The following PIBF1 variants were observed in gnomAD, a reference collection of about 807,000 sequenced individuals.
The protein encoded by PIBF1 is progesterone immunomodulatory binding factor 1.
In PIBF1, 90 loss-of-function variants were observed where a neutral mutation model predicts 112.5. That is an observed-to-expected ratio of 0.80 (90% confidence interval 0.67 to 0.95). The LOEUF (loss-of-function observed/expected upper bound fraction) is 0.95. PIBF1 is among the 40% of genes least tolerant of loss of function. The pLI is 0.00. For missense variants in PIBF1, 915 were observed against 852.3 expected (o/e 1.07, Z -0.92); for synonymous variants, 301 against 288.6 (o/e 1.04, Z -0.44).
rs146891408 is a variant in PIBF1 at position 72,931,078 on chromosome 13, G to A, written c.1731-87G>A. 7,180 of 731,644 alleles carry A rather than the reference G, an allele frequency of 9.8e-3. 262 individuals carry two copies. The highest frequency in any genetic ancestry group is 0.019 in the East Asian group (715 of 37,656). The allele number at this position is 731,644 out of a possible 1,614,324, so 45.3% of individuals were successfully genotyped here. A position where few individuals can be genotyped will look rare whatever the true frequency, so the allele number is the denominator to read the frequency against. On this transcript the variant is annotated intron_variant, in intron 13 of 17. Coordinates refer to ENST00000326291, the MANE Select transcript of PIBF1 (RefSeq NM_006346.4). ...TATTTAAGTATAATTAGGAAATGAT[G>A]TCTATTTTCAAGTACACAAACACAT...
chr13:72,934,228 G>A (rs1174786847), intron 14 of PIBF1, among the ~76,000 whole-genome samples: 1 of 152,036 alleles, frequency 6.6e-6, no homozygotes. Flanking sequence ...TATAACAATA[G>A]ACTATTCATA....
intron 8 of PIBF1, among the ~76,000 whole-genome samples, chr13:72,828,617 A>C (rs201802514): frequency 6.6e-6 from 1 of 152,062 alleles, no homozygotes. Flanking sequence ...CATCCTTTTT[A>C]ATGGCTGCAT....
intron 14 of PIBF1, among the ~76,000 whole-genome samples, chr13:72,943,414 A>T (rs987039837): frequency 2.0e-5 from 3 of 152,232 alleles, no homozygotes; most frequent in African/African-American, 7.2e-5. Context: ...AAATATCCCT[A>T]TTTGATTTTC....
At chr13:72,848,616 C>A (rs1037197606) in intron 9 of PIBF1, among the ~76,000 whole-genome samples, 3 of 152,092 alleles carry the variant, frequency 2.0e-5, no homozygotes, top group Admixed American at 2.0e-4. Context: ...GAGGCCGAGG[C>A]GGGCGGATCA....
At chr13:73,002,812 C>T (rs906811364) in intron 17 of PIBF1, among the ~76,000 whole-genome samples, 2 of 151,764 alleles carry the variant, frequency 1.3e-5, no homozygotes, top group Admixed American at 6.6e-5. Context: ...ACTGAAATCC[C>T]GTCTCTACTA....
chr13:72,932,258 T>TA (rs895094710), intron 14 of PIBF1, among the ~76,000 whole-genome samples: 22 of 152,276 alleles, frequency 1.4e-4, no homozygotes, highest in African/African-American at 4.3e-4. Context: ...GTTAATATTT[T>TA]AAAAGTTTTA....
Position 72,792,515 on chromosome 13 carries a change from C to T in PIBF1, c.321C>T (p.Asp107=). The change falls in exon 3 of 18, where the codon GAC becomes GAT. Residue 107 remains aspartate (D), a synonymous_variant. Coordinates refer to ENST00000326291, the MANE Select transcript of PIBF1 (RefSeq NM_006346.4). ...AGCAGCTACTAACATTGAGATTAGACAACCAATTGGCTTTTCAACAGAAAG... is the reference window on the plus strand; with the variant it reads ...AGCAGCTACTAACATTGAGATTAGATAACCAATTGGCTTTTCAACAGAAAG... ...HQKQLLTLRL[D]NQLAFQQKDA... 6.4e-7 allele frequency: 1 copy of T among 1,564,974 alleles called. No individual in the cohort carries two copies. The highest frequency in any genetic ancestry group is 8.6e-7 in the Non-Finnish European group (1 of 1,159,724).
At chr13:72,980,586 G>A (rs754452588) in intron 16 of PIBF1, among the ~76,000 whole-genome samples, 99 of 152,130 alleles carry the variant, frequency 6.5e-4, no homozygotes, top group Non-Finnish European at 1.3e-3. Flanking sequence ...CTTGAGCTCA[G>A]GAGTTCAAGA....
intron 14 of PIBF1, among the ~76,000 whole-genome samples, chr13:72,939,016 G>T (rs1176404100): frequency 6.6e-6 from 1 of 152,150 alleles, no homozygotes; most frequent in Non-Finnish European, 1.5e-5. Context: ...GAATTGGGTT[G>T]TCTTTCTGTT....
At chr13:72,898,360 C>T (rs1466982923) in intron 11 of PIBF1, among the ~76,000 whole-genome samples, 1 of 148,756 alleles carries the variant, frequency 6.7e-6, no homozygotes, top group Non-Finnish European at 1.5e-5. Flanking sequence ...ATCAAAAAGT[C>T]TGAAAGAGCA....
At chr13:72,916,111 A>G (rs1002723915) in intron 12 of PIBF1, among the ~76,000 whole-genome samples, 11 of 151,910 alleles carry the variant, frequency 7.2e-5, no homozygotes, top group African/African-American at 2.7e-4. Context: ...TTTTTTGGCC[A>G]GGTGCGGTGG....
In PIBF1 at chr13:73,009,251, G is replaced by T. The variant is rs1304781636; in HGVS notation, c.2224-6618G>T. 4.6e-5 allele frequency among the ~76,000 whole-genome samples: 7 copies of T among 152,290 alleles called. No homozygotes were observed. In the East Asian group the frequency reaches 9.7e-4, roughly 21 times the overall value. On this transcript the variant is annotated intron_variant, in intron 17 of 17. Coordinates refer to ENST00000326291, the MANE Select transcript of PIBF1 (RefSeq NM_006346.4). Reference sequence around the variant, plus strand: ...CCATTGGCCAGAACTTAGTCGTGTGGCCACACCTAGCAGCAAGGAAGGCTG... The same window carrying T: ...CCATTGGCCAGAACTTAGTCGTGTGTCCACACCTAGCAGCAAGGAAGGCTG...
intron 16 of PIBF1, among the ~76,000 whole-genome samples, chr13:72,985,982 C>T (rs765251580): frequency 6.6e-6 from 1 of 151,770 alleles, no homozygotes; most frequent in Non-Finnish European, 1.5e-5. Context: ...GAGACTCCAT[C>T]TCTAGAAAAA....
intron 10 of PIBF1, among the ~76,000 whole-genome samples, chr13:72,867,355 G>T (rs976983301): frequency 2.6e-5 from 4 of 151,954 alleles, no homozygotes; most frequent in Non-Finnish European, 5.9e-5. Flanking sequence ...CCAGTCTCAG[G>T]TATGTCTTTA....
chr13:72,950,484 C>T (rs995387178), intron 14 of PIBF1, among the ~76,000 whole-genome samples: 3 of 152,092 alleles, frequency 2.0e-5, no homozygotes, highest in Admixed American at 6.6e-5. Context: ...CTGCAGAAAC[C>T]GTGTTACTTT....
At chr13:72,828,986 A>C (rs149462810) in intron 8 of PIBF1, among the ~76,000 whole-genome samples, 1,608 of 152,334 alleles carry the variant, frequency 0.011, 15 homozygotes, top group Non-Finnish European at 0.017. Flanking sequence ...AACTGGCGTG[A>C]GATGGTATCT....
At chr13:72,968,244 A>G (rs922372741) in intron 15 of PIBF1, among the ~76,000 whole-genome samples, 2 of 151,800 alleles carry the variant, frequency 1.3e-5, no homozygotes, top group South Asian at 4.1e-4. Flanking sequence ...CTAGCCACAT[A>G]TAGATGTTGA....
chr13:72,850,075 A>G (rs1040655045), intron 9 of PIBF1, among the ~76,000 whole-genome samples: 5 of 152,188 alleles, frequency 3.3e-5, no homozygotes, highest in Non-Finnish European at 7.3e-5. Flanking sequence ...TAAAGTATCT[A>G]TTTCTTATAA....
intron 10 of PIBF1, among the ~76,000 whole-genome samples, chr13:72,856,792 A>T (rs548993254): frequency 3.3e-5 from 5 of 152,298 alleles, no homozygotes; most frequent in Admixed American, 6.5e-5. Flanking sequence ...CCATCAGTTT[A>T]ATTCTTTCTT....
Sources: allele counts gnomAD v4.1 joint callset (sites outside exome capture counted in the v4.1 genomes callset), GRCh38; gene constraint gnomAD v4.1.1; transcripts MANE v1.5; gene names NCBI Gene and HGNC (gene_info 2026-07-23, HGNC 2026-07-21).